Variants in CACNB4 observed in about 807,000 individuals in gnomAD.
CACNB4 encodes calcium voltage-gated channel auxiliary subunit beta 4.
A neutral mutation model predicts 71.2 loss-of-function variants in CACNB4; 32 were observed. The ratio of observed to expected loss-of-function variants is 0.45; its 90% CI spans 0.34 to 0.60. CACNB4 has a LOEUF of 0.60. CACNB4 is among the 20% of genes least tolerant of loss of function. The pLI is 0.01. For missense variants in CACNB4, 464 were observed against 647.9 expected (o/e 0.72, Z 3.08); for synonymous variants, 231 against 236.9 (o/e 0.97, Z 0.23).
chr2:152,097,122 G>C (rs188815522), intron 2 of CACNB4, among the ~76,000 whole-genome samples: 47 of 152,282 alleles, frequency 3.1e-4, no homozygotes, highest in African/African-American at 1.1e-3. Context: ...TACATGCTTA[G>C]TGCTCGCTGA....
chr2:152,027,620 G>A (rs1380470705), intron 2 of CACNB4, among the ~76,000 whole-genome samples: 1 of 152,060 alleles, frequency 6.6e-6, no homozygotes, highest in Non-Finnish European at 1.5e-5. Context: ...AGCCAAAGCC[G>A]AGGCGGGCGG....
chr2:152,068,061 C>T (rs770877754), intron 2 of CACNB4, among the ~76,000 whole-genome samples: 14 of 152,132 alleles, frequency 9.2e-5, no homozygotes, highest in Non-Finnish European at 1.5e-4. Flanking sequence ...CAGGAACTAA[C>T]TATAAAGCTG....
At chr2:152,080,173 G>A (rs1328828298) in intron 2 of CACNB4, among the ~76,000 whole-genome samples, 1 of 151,706 alleles carries the variant, frequency 6.6e-6, no homozygotes, top group African/African-American at 2.4e-5. Flanking sequence ...CCAGGCTGGA[G>A]TGCAGTGGCA....
chr2:151,870,192 T>C (rs1298525585), intron 8 of CACNB4: 2 of 682,424 alleles, frequency 2.9e-6, no homozygotes, highest in Admixed American at 2.1e-5. Flanking sequence ...TGCTGTTCAT[T>C]CTCTATTACT....
chr2:151,975,999 G>T (rs555149871), intron 2 of CACNB4, among the ~76,000 whole-genome samples: 3 of 152,222 alleles, frequency 2.0e-5, no homozygotes, highest in African/African-American at 7.2e-5. Flanking sequence ...GATGGCTGCC[G>T]TGGAGCGCTC....
chr2:152,005,469 T>C lies in CACNB4; in HGVS notation c.147+92861A>G, dbSNP rs534352802. On this transcript the variant is annotated intron_variant, in intron 2 of 13. Coordinates refer to ENST00000539935, the MANE Select transcript of CACNB4 (RefSeq NM_000726.5). ...CTCACTTATAAGTGAGAGCTAAAAT[T>C]TGGGGTCACACAGACATAAAGATGG... Among the ~76,000 whole-genome samples, 5 of 152,014 alleles carry C rather than the reference T, an allele frequency of 3.3e-5. No homozygotes were observed. In the South Asian group the frequency reaches 8.3e-4, roughly 25 times the overall value.
At chr2:151,899,491 G>C (rs1310248435) in intron 2 of CACNB4, among the ~76,000 whole-genome samples, 1 of 152,236 alleles carries the variant, frequency 6.6e-6, no homozygotes, top group African/African-American at 2.4e-5. Flanking sequence ...CATTCTTGCA[G>C]AATCTTTGCA....
At chr2:152,002,280 C>CAT (rs1181351074) in intron 2 of CACNB4, among the ~76,000 whole-genome samples, 1 of 152,196 alleles carries the variant, frequency 6.6e-6, no homozygotes, top group Admixed American at 6.5e-5. Context: ...CACACACATA[C>CAT]ATATACACAC....
At position 151,837,797 on chromosome 2, in the gene CACNB4, G is replaced by T. The variant is rs568579216; in HGVS notation, c.*1322C>A. 6.6e-6 allele frequency: 1 copy of T among 152,142 alleles called. No individual in the cohort carries two copies. The highest frequency in any genetic ancestry group is 2.1e-4 in the South Asian group (1 of 4,830). 9.4% of individuals were successfully genotyped at this position (152,142 alleles called of 1,614,324 possible). A position where few individuals can be genotyped will look rare whatever the true frequency, so the allele number is the denominator to read the frequency against. On this transcript the variant is annotated 3_prime_UTR_variant, in exon 14 of 14. Coordinates refer to ENST00000539935, the MANE Select transcript of CACNB4 (RefSeq NM_000726.5). ...AGGAGTGTTCATTAGAAATAAGGCAGCTCAATCTCCAAATTCTTTATAATT... is the reference window on the plus strand; with the variant it reads ...AGGAGTGTTCATTAGAAATAAGGCATCTCAATCTCCAAATTCTTTATAATT...
At chr2:152,032,283 C>A (rs1684329801) in intron 2 of CACNB4, among the ~76,000 whole-genome samples, 1 of 152,112 alleles carries the variant, frequency 6.6e-6, no homozygotes. Flanking sequence ...AGGGACTGAC[C>A]CAGGCCACAC....
chr2:151,971,971 T>C (rs948374099), intron 2 of CACNB4: 1 of 200,314 alleles, frequency 5.0e-6, no homozygotes, highest in Non-Finnish European at 1.0e-5. Flanking sequence ...TACCTAGCAC[T>C]ACCCGCCATC....
chr2:151,976,717 A>C (rs2099873870), intron 2 of CACNB4, among the ~76,000 whole-genome samples: 1 of 152,216 alleles, frequency 6.6e-6, no homozygotes, highest in South Asian at 2.1e-4. Context: ...AAGGAGTTCC[A>C]GAAAAGTGAG....
At chr2:151,908,613 C>T (rs762501151) in intron 2 of CACNB4, among the ~76,000 whole-genome samples, 1 of 152,278 alleles carries the variant, frequency 6.6e-6, no homozygotes, top group Non-Finnish European at 1.5e-5. Context: ...TCTGGACCAA[C>T]TCATCTGTAG....
At chr2:151,889,094 C>T (rs188050722) in intron 2 of CACNB4, among the ~76,000 whole-genome samples, 143 of 152,164 alleles carry the variant, frequency 9.4e-4, no homozygotes, top group African/African-American at 3.1e-3. Flanking sequence ...TTGGGCTGTG[C>T]GGTAGTAGAC....
At chr2:152,057,689 A>C (rs1303305748) in intron 2 of CACNB4, among the ~76,000 whole-genome samples, 1 of 152,168 alleles carries the variant, frequency 6.6e-6, no homozygotes, top group Non-Finnish European at 1.5e-5. Flanking sequence ...ACACATGCAC[A>C]CACAGAGGCA....
chr2:152,034,765 C>A (rs552149284), intron 2 of CACNB4, among the ~76,000 whole-genome samples: 3 of 152,260 alleles, frequency 2.0e-5, no homozygotes, highest in East Asian at 3.9e-4. Flanking sequence ...AACACACTAA[C>A]CCCTGGGGTA....
At chr2:151,904,311 C>CA (rs2099854216) in intron 2 of CACNB4, among the ~76,000 whole-genome samples, 2 of 152,290 alleles carry the variant, frequency 1.3e-5, no homozygotes, top group East Asian at 1.9e-4. Context: ...CGGCCAATCA[C>CA]AATCAAGTAA....
At chr2:151,987,806 G>A (rs932340601) in intron 2 of CACNB4, among the ~76,000 whole-genome samples, 11 of 152,058 alleles carry the variant, frequency 7.2e-5, no homozygotes, top group African/African-American at 2.4e-4. Context: ...GTTTCGATGC[G>A]ACCCACCAAT....
chr2:151,992,814 T>C (rs1459949783), intron 2 of CACNB4, among the ~76,000 whole-genome samples: 1 of 152,238 alleles, frequency 6.6e-6, no homozygotes, highest in Non-Finnish European at 1.5e-5. Context: ...CAATGTAAGC[T>C]GAGTATTTCA....
Sources: gnomAD v4.1 joint callset for allele counts (sites outside exome capture counted in the v4.1 genomes callset) on GRCh38, gnomAD v4.1.1 for gene constraint, MANE v1.5 for transcripts, NCBI Gene and HGNC (gene_info 2026-07-23, HGNC 2026-07-21) for gene names.